The following MLIP variants were observed in gnomAD, a reference collection of about 807,000 sequenced individuals.
MLIP encodes muscular LMNA-interacting protein.
In MLIP, 79 loss-of-function variants were observed where a neutral mutation model predicts 84.8. The ratio of observed to expected loss-of-function variants is 0.93; its 90% CI spans 0.78 to 1.12. The LOEUF (loss-of-function observed/expected upper bound fraction) is 1.12, where lower values mean the gene tolerates loss of function less well. Among genes scored for constraint, MLIP ranks in the 50% most tolerant of loss-of-function variants. The probability of loss-of-function intolerance (pLI) is 0.00; values close to 1 mark genes in which losing one functional copy is unlikely to be tolerated. For synonymous variants in MLIP, 504 were observed against 463.0 expected (o/e 1.09, Z -1.14); for missense variants, 1,257 against 1,160.6 (o/e 1.08, Z -1.21).
At chr6:54,154,502 CTG>C (rs1334940895) in intron 5 of MLIP, among the ~76,000 whole-genome samples, 5 of 152,126 alleles carry the variant, frequency 3.3e-5, no homozygotes, top group Non-Finnish European at 7.4e-5. Flanking sequence ...CTTCACAACT[CTG>C]TGAAGAATTT....
chr6:54,098,463 G>C (rs548611902), intron 1 of MLIP, among the ~76,000 whole-genome samples: 16 of 151,072 alleles, frequency 1.1e-4, no homozygotes, highest in Non-Finnish European at 4.4e-5. Context: ...CACTGTGCTC[G>C]GCTGGGTCTT....
intron 12 of MLIP, among the ~76,000 whole-genome samples, chr6:54,244,230 A>C (rs6924913): frequency 5.3e-4 from 80 of 152,188 alleles, no homozygotes; most frequent in Non-Finnish European, 6.9e-4. Context: ...AAACAGCTTT[A>C]CTCTCAATTC....
chr6:54,096,092 T>C (rs927417876), intron 1 of MLIP, among the ~76,000 whole-genome samples: 16 of 152,168 alleles, frequency 1.1e-4, no homozygotes, highest in African/African-American at 3.9e-4. Context: ...AAGGGAAATG[T>C]TTTGAAAAGA....
intron 10 of MLIP, among the ~76,000 whole-genome samples, chr6:54,193,514 T>C (rs1230688569): frequency 6.6e-6 from 1 of 152,218 alleles, no homozygotes; most frequent in East Asian, 1.9e-4. Flanking sequence ...CCTTGCTTTA[T>C]GTAGTTTTGG....
At chr6:54,133,460 G>A (rs1771549401) in intron 3 of MLIP, among the ~76,000 whole-genome samples, 1 of 152,160 alleles carries the variant, frequency 6.6e-6, no homozygotes, top group Non-Finnish European at 1.5e-5. Flanking sequence ...GCCTCATGTA[G>A]CTGTACAGAT....
At chr6:54,194,289 T>C (rs988640371) in intron 10 of MLIP, among the ~76,000 whole-genome samples, 2 of 152,164 alleles carry the variant, frequency 1.3e-5, no homozygotes, top group African/African-American at 4.8e-5. Context: ...GTAGAACCGA[T>C]GTCTCCTTCA....
intron 10 of MLIP, among the ~76,000 whole-genome samples, chr6:54,197,024 G>A (rs1778346522): frequency 6.6e-6 from 1 of 152,088 alleles, no homozygotes. Flanking sequence ...ACTCCTAGAG[G>A]AGGCAGTATC....
chr6:54,104,537 C>T (rs1768876163), intron 1 of MLIP, among the ~76,000 whole-genome samples: 2 of 152,144 alleles, frequency 1.3e-5, no homozygotes, highest in African/African-American at 4.8e-5. Flanking sequence ...GAATATGTTG[C>T]TTGTGCAACT....
At chr6:54,029,111 T>G (rs1333045192) in intron 1 of MLIP, 1 of 152,222 alleles carries the variant, frequency 6.6e-6, no homozygotes, top group Non-Finnish European at 1.5e-5. Flanking sequence ...GCCCCTCAAT[T>G]TATTTTAAAA....
chr6:54,091,860 T>A (rs1457399772), intron 1 of MLIP, among the ~76,000 whole-genome samples: 1 of 152,184 alleles, frequency 6.6e-6, no homozygotes, highest in Non-Finnish European at 1.5e-5. Flanking sequence ...GTCTCACTTT[T>A]TTGTAATTAA....
At chr6:54,210,888 T>C (rs1779405535) in intron 11 of MLIP, among the ~76,000 whole-genome samples, 1 of 152,126 alleles carries the variant, frequency 6.6e-6, no homozygotes, top group South Asian at 2.1e-4. Flanking sequence ...AAAACTACCT[T>C]TGTTAAGTAA....
intron 12 of MLIP, among the ~76,000 whole-genome samples, chr6:54,237,085 G>A (rs920383152): frequency 7.9e-5 from 12 of 151,860 alleles, no homozygotes; most frequent in African/African-American, 2.4e-4. Flanking sequence ...TGAGAAGACC[G>A]TCACTTATGA....
chr6:54,230,268 A>G (rs943647488), intron 11 of MLIP, among the ~76,000 whole-genome samples: 15 of 152,036 alleles, frequency 9.9e-5, no homozygotes, highest in African/African-American at 3.6e-4. Flanking sequence ...ACTCACTTTA[A>G]TATTTTCCAC....
chr6:54,109,326 C>T (rs1769248825), upstream of MLIP, among the ~76,000 whole-genome samples: 1 of 151,988 alleles, frequency 6.6e-6, no homozygotes, highest in Non-Finnish European at 1.5e-5. Flanking sequence ...CTGCCTGGCA[C>T]AGAGCTAAGA....
At chr6:54,201,370 T>C (rs543361759) in intron 10 of MLIP, among the ~76,000 whole-genome samples, 4 of 152,318 alleles carry the variant, frequency 2.6e-5, no homozygotes, top group South Asian at 2.1e-4. Flanking sequence ...CCTGGAATGT[T>C]TGGGGAGTCA....
chr6:54,179,160 T>G (rs1272111150), intron 9 of MLIP, among the ~76,000 whole-genome samples: 17 of 152,206 alleles, frequency 1.1e-4, no homozygotes, highest in African/African-American at 3.6e-4. Flanking sequence ...ACATTCTTTG[T>G]CTCTTCTTAC....
chr6:54,024,360 A>G (rs1763679211), intron 1 of MLIP, among the ~76,000 whole-genome samples: 1 of 152,248 alleles, frequency 6.6e-6, no homozygotes, highest in Non-Finnish European at 1.5e-5. Flanking sequence ...AAAATTAATT[A>G]CTTTCTAAGA....
At chr6:54,160,901 T>C (rs1774569094) in intron 8 of MLIP, 102 bp downstream of exon 8, 2 of 894,162 alleles carry the variant, frequency 2.2e-6, no homozygotes, top group Non-Finnish European at 3.5e-6. Flanking sequence ...GAAATAAATT[T>C]AGTGAATAGC....
intron 11 of MLIP, among the ~76,000 whole-genome samples, chr6:54,203,412 C>T (rs1436382901): frequency 6.6e-6 from 1 of 151,598 alleles, no homozygotes; most frequent in Non-Finnish European, 1.5e-5. Context: ...AGGTGTTATG[C>T]TCTTTTTAAA....
Sources: allele counts gnomAD v4.1 joint callset (sites outside exome capture counted in the v4.1 genomes callset), GRCh38; gene constraint gnomAD v4.1.1; transcripts MANE v1.5; gene names NCBI Gene and HGNC (gene_info 2026-07-23, HGNC 2026-07-21).